DLGAP4: variants seen among roughly 807,000 people sequenced by gnomAD.
DLGAP4 encodes disks large-associated protein 4.
In DLGAP4, 18 loss-of-function variants were observed where a neutral mutation model predicts 86.9. That is an observed-to-expected ratio of 0.21 (90% CI 0.14 to 0.31). The LOEUF (loss-of-function observed/expected upper bound fraction) is 0.31. DLGAP4 is among the 10% of genes least tolerant of loss of function. DLGAP4 has a pLI of 1.00. For missense variants in DLGAP4, 1,085 were observed against 1,362.6 expected, an observed-to-expected ratio of 0.80 and a Z score of 3.21; for synonymous variants, 548 against 574.3, an observed-to-expected ratio of 0.95 and a Z score of 0.65.
intron 7 of DLGAP4, among the ~76,000 whole-genome samples, chr20:36,493,363 C>T (rs182778612): frequency 1.1e-4 from 17 of 152,270 alleles, no homozygotes; most frequent in Admixed American, 8.5e-4. Flanking sequence ...TGGGAGGCTC[C>T]ACACCCATCC....
intron 7 of DLGAP4, among the ~76,000 whole-genome samples, chr20:36,463,053 A>G (rs1441962266): frequency 6.6e-6 from 1 of 152,156 alleles, no homozygotes; most frequent in Non-Finnish European, 1.5e-5. Context: ...TGTGGGGTTC[A>G]TGGCCAGAAC....
At chr20:36,369,932 AG>A (rs142903667) in intron 2 of DLGAP4, among the ~76,000 whole-genome samples, 2,029 of 152,252 alleles carry the variant, frequency 0.013, 40 homozygotes, top group African/African-American at 0.046. Context: ...GAGGAAAGTG[AG>A]GCTTGGAGAG....
intron 1 of DLGAP4, among the ~76,000 whole-genome samples, chr20:36,313,187 C>G (rs1322610605): frequency 2.6e-5 from 4 of 152,160 alleles, no homozygotes; most frequent in African/African-American, 9.7e-5. Flanking sequence ...TGCAGGCTGA[C>G]TGCGTGCAGT....
At chr20:36,384,541 G>A (rs896827506) in intron 2 of DLGAP4, among the ~76,000 whole-genome samples, 2 of 152,216 alleles carry the variant, frequency 1.3e-5, no homozygotes, top group African/African-American at 4.8e-5. Context: ...GAGAAGTTGA[G>A]TGACCTGGGG....
rs564640525 is a variant in DLGAP4 at position 36,396,066 on chromosome 20, G to A, written c.-73+28791G>A. ...CCTGCACACACAGCAATCTTGGGAG[G>A]CCCATTGAAACAACATCATGGCAGT... On this transcript the variant is annotated intron_variant, in intron 2 of 12. Coordinates refer to ENST00000339266, the MANE Select transcript of DLGAP4 (RefSeq NM_001365621.2). 8.6e-5 allele frequency among the ~76,000 whole-genome samples: 13 copies of A among 152,044 alleles called. No individual in the cohort carries two copies. In the East Asian group the frequency reaches 2.3e-3, roughly 27 times the overall value.
intron 2 of DLGAP4, among the ~76,000 whole-genome samples, chr20:36,398,443 T>C (rs1177062448): frequency 1.3e-5 from 2 of 152,116 alleles, no homozygotes; most frequent in Non-Finnish European, 2.9e-5. Context: ...TTGCTAGGAA[T>C]CAGGGTGAGG....
intron 7 of DLGAP4, among the ~76,000 whole-genome samples, chr20:36,482,284 T>A (rs1199027515): frequency 6.6e-6 from 1 of 152,214 alleles, no homozygotes; most frequent in Non-Finnish European, 1.5e-5. Context: ...GCACAGGGCC[T>A]GGCAGCGTCT....
At chr20:36,323,093 G>A (rs75120212) in intron 1 of DLGAP4, among the ~76,000 whole-genome samples, 2 of 147,162 alleles carry the variant, frequency 1.4e-5, no homozygotes, top group South Asian at 4.3e-4. Flanking sequence ...TGGGAGGATC[G>A]CTTGAGCCTG....
chr20:36,361,004 G>A (rs1320506489), intron 1 of DLGAP4, among the ~76,000 whole-genome samples: 1 of 151,922 alleles, frequency 6.6e-6, no homozygotes, highest in African/African-American at 2.4e-5. Context: ...GTGGTGATTC[G>A]AGTCGTGGGG....
At chr20:36,423,445 G>T in intron 2 of DLGAP4, among the ~76,000 whole-genome samples, 1 of 99,404 alleles carries the variant, frequency 1.0e-5, no homozygotes, top group Non-Finnish European at 1.8e-5. Flanking sequence ...GACAGAGCAA[G>T]ACTCCGTCTC....
At chr20:36,409,146 A>T (rs2032412697) in intron 2 of DLGAP4, among the ~76,000 whole-genome samples, 1 of 145,286 alleles carries the variant, frequency 6.9e-6, no homozygotes, top group Non-Finnish European at 1.5e-5. Flanking sequence ...AGCGATTCTC[A>T]TGCCTCAGTC....
At chr20:36,367,520 G>A (rs1250510038) in intron 2 of DLGAP4, among the ~76,000 whole-genome samples, 1 of 152,250 alleles carries the variant, frequency 6.6e-6, no homozygotes, top group African/African-American at 2.4e-5. Context: ...GAGAGGGGAA[G>A]CCACCTGCTT....
chr20:36,528,132 AG>A lies in DLGAP4; in HGVS notation c.*1102del, dbSNP rs1478853756. Reference sequence around the variant, plus strand: ...AAAAATATATACCTTGTGTGTAAGCAGCCCTTTTTTTTTTTGGTCTCCACCC... The same window carrying A: ...AAAAATATATACCTTGTGTGTAAGCACCCTTTTTTTTTTTGGTCTCCACCC... On this transcript the variant is annotated 3_prime_UTR_variant, in exon 13 of 13. Transcript: ENST00000339266. 1 of 148,698 alleles carries A rather than the reference AG, an allele frequency of 6.7e-6. No homozygotes were observed. The highest frequency in any genetic ancestry group is 1.5e-5 in the Non-Finnish European group (1 of 67,386). 9.2% of individuals were successfully genotyped at this position (148,698 alleles called of 1,614,324 possible).
rs1295949910 is a variant in DLGAP4 at position 36,350,462 on chromosome 20, C to T, written c.-303-16583C>T. Among the ~76,000 whole-genome samples, 1 of 152,198 alleles carries T rather than the reference C, an allele frequency of 6.6e-6. No individual in the cohort carries two copies. The highest frequency in any genetic ancestry group is 6.5e-5 in the Admixed American group (1 of 15,282). On this transcript the variant is annotated intron_variant, in intron 1 of 12. Transcript: ENST00000339266. This position sits in a 1 kb window ranked among gnomAD's most constrained non-coding sequence, Gnocchi z 4.4. ...GACTCCGCTGACACTCAGAATTCAA[C>T]TTCCTTCAATATCTCAATTTGCAGG...
chr20:36,444,776 C>T (rs1215688669), intron 6 of DLGAP4, among the ~76,000 whole-genome samples: 1 of 151,890 alleles, frequency 6.6e-6, no homozygotes, highest in African/African-American at 2.4e-5. Flanking sequence ...AAGTAGCTGG[C>T]ACCACAGGCA....
Position 36,500,110 on chromosome 20 carries a change from G to A in DLGAP4, c.2100-89G>A, listed in dbSNP as rs1342280004. The A allele has an allele frequency of 1.4e-5, 19 of 1,396,574 alleles. No individual in the cohort carries two copies. The highest frequency in any genetic ancestry group is 4.7e-5 in the Admixed American group (2 of 42,300). 86.5% of individuals were successfully genotyped at this position (1,396,574 alleles called of 1,614,324 possible). On this transcript the variant is annotated intron_variant, in intron 9 of 12. Coordinates refer to ENST00000339266, the MANE Select transcript of DLGAP4 (RefSeq NM_001365621.2). This position sits in a 1 kb window ranked among gnomAD's most constrained non-coding sequence, Gnocchi z 4.6. ...TGATGCATCCGTTTCTCTGTCTCCC[G>A]TGTGTCCGGGTCAAGGCGGCCTCTG...
chr20:36,469,957 A>G (rs1007634926), intron 7 of DLGAP4, among the ~76,000 whole-genome samples: 5 of 151,936 alleles, frequency 3.3e-5, no homozygotes, highest in African/African-American at 4.8e-5. Context: ...GTGGAGCTCT[A>G]TGGCCATGTG....
intron 1 of DLGAP4, among the ~76,000 whole-genome samples, chr20:36,338,022 C>T (rs952848163): frequency 6.6e-6 from 1 of 152,218 alleles, no homozygotes; most frequent in Non-Finnish European, 1.5e-5. Flanking sequence ...AGGCCTGGGT[C>T]TGCCCCAGTC....
chr20:36,425,770 A>C (rs753925043), intron 2 of DLGAP4, among the ~76,000 whole-genome samples: 2 of 152,132 alleles, frequency 1.3e-5, no homozygotes, highest in Admixed American at 6.6e-5. Flanking sequence ...GCAGTGAGCC[A>C]AGATCATGCC....
Sources: gnomAD v4.1 joint callset for allele counts (sites outside exome capture counted in the v4.1 genomes callset) on GRCh38, gnomAD v4.1.1 for gene constraint, Gnocchi (gnomAD v3.1) non-coding constraint, MANE v1.5 for transcripts, NCBI Gene and HGNC (gene_info 2026-07-23, HGNC 2026-07-21) for gene names.